Variants in PKN2 observed in about 807,000 individuals in gnomAD.
PKN2 encodes the protein protein kinase N2, also known as serine/threonine-protein kinase N2.
Under a neutral mutation model 119.1 loss-of-function variants are expected in PKN2, and 38 were observed. That is an observed-to-expected ratio of 0.32 (90% CI 0.25 to 0.42). The LOEUF (loss-of-function observed/expected upper bound fraction) is 0.42. PKN2 is among the 10% of genes least tolerant of loss of function. PKN2 has a pLI of 1.00. For synonymous variants in PKN2, 390 were observed against 384.9 expected (o/e 1.01, Z -0.15); for missense variants, 850 against 1,165.1 (o/e 0.73, Z 3.94).
At chr1:88,761,364 T>G (rs72724736) in intron 3 of PKN2, among the ~76,000 whole-genome samples, 1 of 151,926 alleles carries the variant, frequency 6.6e-6, no homozygotes, top group South Asian at 2.1e-4. Context: ...AGATATTTTT[T>G]AAATAATTTC....
At chr1:88,828,891 A>T in intron 19 of PKN2, 1 of 610,314 alleles carries the variant, frequency 1.6e-6, no homozygotes, top group Non-Finnish European at 3.0e-6. Flanking sequence ...TTTAAGACAT[A>T]GTCATTTTAT....
chr1:88,804,789 T>G (rs1197388551), intron 9 of PKN2, 57 bp from the exon 10 acceptor site: 1 of 969,884 alleles, frequency 1.0e-6, no homozygotes, highest in Non-Finnish European at 1.6e-6. Flanking sequence ...TTTATAAATT[T>G]AGTAGATTTC....
At chr1:88,742,694 A>T (rs115334193) in intron 2 of PKN2, among the ~76,000 whole-genome samples, 2,557 of 151,306 alleles carry the variant, frequency 0.017, 27 homozygotes, top group Non-Finnish European at 0.026. Context: ...TGTTCCATGG[A>T]ACTCTGCCAA....
intron 1 of PKN2, among the ~76,000 whole-genome samples, chr1:88,695,423 A>G (rs1666503631): frequency 6.6e-6 from 1 of 151,910 alleles, no homozygotes; most frequent in Admixed American, 6.6e-5. Flanking sequence ...TATTATATCA[A>G]TTTGTGGTTC....
At chr1:88,827,639 C>CTTCCCTTCCCTTCCT (rs1553159970) in intron 18 of PKN2, among the ~76,000 whole-genome samples, 2 of 128,948 alleles carry the variant, frequency 1.6e-5, no homozygotes, top group African/African-American at 6.2e-5. Flanking sequence ...CTTCCCTTCC[C>CTTCCCTTCCCTTCCT]TCCCCTCTTC....
intron 3 of PKN2, among the ~76,000 whole-genome samples, chr1:88,763,909 C>G (rs987189091): frequency 1.3e-5 from 2 of 152,128 alleles, no homozygotes; most frequent in Non-Finnish European, 2.9e-5. Flanking sequence ...AATTTAGGGA[C>G]AGGGATGATT....
intron 2 of PKN2, among the ~76,000 whole-genome samples, chr1:88,755,374 AT>A (rs1669156377): frequency 6.6e-6 from 1 of 152,124 alleles, no homozygotes; most frequent in African/African-American, 2.4e-5. Context: ...TGTTTCTCTG[AT>A]TTCTAATTGG....
At chr1:88,725,828 A>AT (rs1467442540) in intron 1 of PKN2, among the ~76,000 whole-genome samples, 1 of 151,784 alleles carries the variant, frequency 6.6e-6, no homozygotes, top group Non-Finnish European at 1.5e-5. Flanking sequence ...TTTCTCCTAC[A>AT]TTTTTTTCTA....
chr1:88,756,297 T>C (rs1261207794), intron 2 of PKN2, among the ~76,000 whole-genome samples: 2 of 152,160 alleles, frequency 1.3e-5, no homozygotes, highest in Non-Finnish European at 2.9e-5. Flanking sequence ...CTTCCAGAGA[T>C]GAGACTTTAT....
intron 2 of PKN2, among the ~76,000 whole-genome samples, chr1:88,747,190 CTA>C (rs1668803787): frequency 6.6e-6 from 1 of 151,994 alleles, no homozygotes; most frequent in African/African-American, 2.4e-5. Context: ...TTCTGTTGAT[CTA>C]TTACACAGCA....
intron 16 of PKN2, among the ~76,000 whole-genome samples, chr1:88,817,102 A>G (rs1309875136): frequency 6.6e-6 from 1 of 152,164 alleles, no homozygotes; most frequent in Non-Finnish European, 1.5e-5. Context: ...ACAAAAAAAG[A>G]AAATTTCAGG....
intron 15 of PKN2, among the ~76,000 whole-genome samples, chr1:88,811,837 A>G (rs543419775): frequency 3.1e-4 from 47 of 152,322 alleles, no homozygotes; most frequent in African/African-American, 1.1e-3. Context: ...TGAAATATCA[A>G]CTGACATTTG....
At chr1:88,722,798 AAAAG>A (rs1380639998) in intron 1 of PKN2, among the ~76,000 whole-genome samples, 395 of 152,168 alleles carry the variant, frequency 2.6e-3, no homozygotes, top group African/African-American at 8.9e-3. Context: ...AAAAAAAAAA[AAAAG>A]AAACGAAAAA....
Position 88,834,713 on chromosome 1 carries a change from T to G in PKN2, c.*1265T>G, listed in dbSNP as rs1672868615. 1 of 152,292 alleles carries G rather than the reference T, an allele frequency of 6.6e-6. No individual in the cohort carries two copies. The highest frequency in any genetic ancestry group is 6.6e-5 in the Admixed American group (1 of 15,246). The allele number at this position is 152,292 out of a possible 1,614,324, so 9.4% of individuals were successfully genotyped here. On this transcript the variant is annotated 3_prime_UTR_variant, in exon 22 of 22. Coordinates refer to ENST00000370521, the MANE Select transcript of PKN2 (RefSeq NM_006256.4). ...CTCAAAAATAATTTGATGAAATATTTTATACAACTCTTCAAAGGATCCGTC... is the reference window on the plus strand; with the variant it reads ...CTCAAAAATAATTTGATGAAATATTGTATACAACTCTTCAAAGGATCCGTC...
chr1:88,826,869 G>T (rs1195152900), intron 18 of PKN2, among the ~76,000 whole-genome samples: 2 of 152,030 alleles, frequency 1.3e-5, no homozygotes, highest in Non-Finnish European at 2.9e-5. Flanking sequence ...TAAAAGGCTG[G>T]TGCAGAACTT....
chr1:88,785,180 G>A (rs1557609740), intron 7 of PKN2, among the ~76,000 whole-genome samples: 1 of 152,068 alleles, frequency 6.6e-6, no homozygotes, highest in Non-Finnish European at 1.5e-5. Flanking sequence ...TTGCTCTGTT[G>A]CCCAGGCTGG....
intron 18 of PKN2, among the ~76,000 whole-genome samples, chr1:88,826,596 C>G (rs1477551814): frequency 1.3e-5 from 2 of 152,094 alleles, no homozygotes. Context: ...CCTCCTCACC[C>G]TTCTGAGTCT....
chr1:88,833,506 C>T lies in PKN2; in HGVS notation c.*58C>T. 1 of 1,339,330 alleles carries T rather than the reference C, an allele frequency of 7.5e-7. No individual in the cohort carries two copies. The highest frequency in any genetic ancestry group is 1.1e-6 in the Non-Finnish European group (1 of 938,402). The allele number at this position is 1,339,330 out of a possible 1,614,324, so 83.0% of individuals were successfully genotyped here. The stretch of plus-strand genomic sequence containing the variant: ...CAAGAAGACCTCTTAAAAATAGCAA[C>T]CCTTCATTTGCTCTCTGTGCCACCA... On this transcript the variant is annotated 3_prime_UTR_variant, in exon 22 of 22. Coordinates refer to ENST00000370521, the MANE Select transcript of PKN2 (RefSeq NM_006256.4).
chr1:88,722,207 TTAAG>T (rs1437855126), intron 1 of PKN2, among the ~76,000 whole-genome samples: 1 of 151,488 alleles, frequency 6.6e-6, no homozygotes, highest in East Asian at 1.9e-4. Context: ...AATTAGTCTG[TTAAG>T]TAATCATTAA....
Sources: gnomAD v4.1 joint callset for allele counts (sites outside exome capture counted in the v4.1 genomes callset) on GRCh38, gnomAD v4.1.1 for gene constraint, MANE v1.5 for transcripts, NCBI Gene and HGNC (gene_info 2026-07-23, HGNC 2026-07-21) for gene names.